EPAS1: variants seen among roughly 807,000 people sequenced by gnomAD.
EPAS1 encodes endothelial PAS domain protein 1.
In EPAS1, 23 loss-of-function variants were observed where a neutral mutation model predicts 87.9. That is an observed-to-expected ratio of 0.26 (90% CI 0.19 to 0.37). The LOEUF is 0.37. EPAS1 is among the 10% of genes least tolerant of loss of function. The pLI is 1.00. For missense variants in EPAS1, 1,138 were observed against 1,120.7 expected, an observed-to-expected ratio of 1.02 and a Z score of -0.22; for synonymous variants, 508 against 444.3, an observed-to-expected ratio of 1.14 and a Z score of -1.80.
chr2:46,386,624 T>C lies in EPAS1; in HGVS notation c.*1964T>C, dbSNP rs1685031933. On this transcript the variant is annotated 3_prime_UTR_variant, in exon 16 of 16. Transcript: ENST00000263734. ...TGTCGAATTCCTACTGACAACATTA[T>C]AACTGTATGGGAGCTTAACTTTATA... The C allele has an allele frequency of 6.5e-6, 1 of 152,690 alleles. No individual in the cohort carries two copies. Among genetic ancestry groups the C allele is most frequent in the Admixed American group, 6.5e-5 (1 of 15,292 alleles). 9.5% of individuals were successfully genotyped at this position (152,690 alleles called of 1,614,324 possible). A position where few individuals can be genotyped will look rare whatever the true frequency, so the allele number is the denominator to read the frequency against.
intron 6 of EPAS1, 82 bp downstream of exon 6, chr2:46,361,172 G>A: frequency 6.8e-7 from 1 of 1,464,700 alleles, no homozygotes; most frequent in Non-Finnish European, 9.4e-7. Flanking sequence ...TATTAAAGGT[G>A]TGGAACTGAA....
chr2:46,313,346 A>G (rs1311378394), intron 1 of EPAS1, among the ~76,000 whole-genome samples: 1 of 152,042 alleles, frequency 6.6e-6, no homozygotes, highest in Non-Finnish European at 1.5e-5. Flanking sequence ...CAGCTTAAAT[A>G]TCACCTCCCT....
intron 6 of EPAS1, among the ~76,000 whole-genome samples, chr2:46,365,013 T>A (rs1684472018): frequency 6.6e-6 from 1 of 152,208 alleles, no homozygotes; most frequent in Non-Finnish European, 1.5e-5. Flanking sequence ...CAAAAGTTGT[T>A]CCCAAGTAGT....
chr2:46,334,409 C>T (rs1385184195), intron 1 of EPAS1, among the ~76,000 whole-genome samples: 4 of 152,200 alleles, frequency 2.6e-5, no homozygotes, highest in East Asian at 1.9e-4. Context: ...GCCTGTCTCC[C>T]GACCACTGGC....
At chr2:46,382,184 G>A (rs886381909) in intron 14 of EPAS1, 95 bp downstream of exon 14, 67 of 1,215,730 alleles carry the variant, frequency 5.5e-5, no homozygotes, top group Admixed American at 9.8e-5. Flanking sequence ...ACCACAGGCC[G>A]TACCTGCCTC....
chr2:46,308,670 A>ATCT (rs1683155592), intron 1 of EPAS1, among the ~76,000 whole-genome samples: 1 of 152,226 alleles, frequency 6.6e-6, no homozygotes, highest in Admixed American at 6.5e-5. Context: ...TTATTGATAC[A>ATCT]TAACTTTATA....
chr2:46,316,557 G>A (rs528432180), intron 1 of EPAS1, among the ~76,000 whole-genome samples: 1 of 152,274 alleles, frequency 6.6e-6, no homozygotes, highest in Admixed American at 6.5e-5. Context: ...CACCGCACCT[G>A]GCCAACAATG....
In EPAS1 at chr2:46,384,982, A is replaced by G; in HGVS notation, c.*322A>G. 2.7e-6 allele frequency: 1 copy of G among 370,312 alleles called. No homozygotes were observed. Among genetic ancestry groups the G allele is most frequent in the South Asian group, 2.5e-5 (1 of 39,948 alleles). 22.9% of individuals were successfully genotyped at this position (370,312 alleles called of 1,614,324 possible). On this transcript the variant is annotated 3_prime_UTR_variant, in exon 16 of 16. Coordinates refer to ENST00000263734, the MANE Select transcript of EPAS1 (RefSeq NM_001430.5). ...TCCCTCCTTCTCCTTCTCACACACAACTGTCCATACTAACAAGTTTGGTGC... is the reference window on the plus strand; with the variant it reads ...TCCCTCCTTCTCCTTCTCACACACAGCTGTCCATACTAACAAGTTTGGTGC...
intron 1 of EPAS1, among the ~76,000 whole-genome samples, chr2:46,309,577 G>T (rs777466132): frequency 5.3e-5 from 8 of 152,214 alleles, no homozygotes; most frequent in Non-Finnish European, 8.8e-5. Context: ...GGAGGAGCAT[G>T]AAGACCTAGG....
At chr2:46,359,042 C>T (rs149926356) in intron 4 of EPAS1, among the ~76,000 whole-genome samples, 2,197 of 151,990 alleles carry the variant, frequency 0.014, 42 homozygotes, top group East Asian at 0.1. Context: ...GGGTGGATCA[C>T]GAGATCAAGA....
intron 1 of EPAS1, among the ~76,000 whole-genome samples, chr2:46,317,230 G>A (rs1430166587): frequency 6.6e-6 from 1 of 152,176 alleles, no homozygotes; most frequent in Non-Finnish European, 1.5e-5. Context: ...TACAAATGCT[G>A]TTAATGGTAT....
At position 46,376,710 on chromosome 2, in the gene EPAS1, G is replaced by C. The variant is rs749851497; in HGVS notation, c.1206G>C (p.Gln402His). 6.2e-7 allele frequency: 1 copy of C among 1,613,278 alleles called. No individual in the cohort carries two copies. The highest frequency in any genetic ancestry group is 8.5e-7 in the Non-Finnish European group (1 of 1,179,994). The change falls in exon 9 of 16, where the codon CAG becomes CAC. Residue 402 changes from glutamine (Q) to histidine (H), a missense_variant. This residue lies in a region of EPAS1 where 284 missense variants were observed against 258.4 expected (regional missense o/e 1.10). Transcript: ENST00000263734. ...AGGAGGAGCCCGAGGAGCTGGCCCA[G>C]CTGGCTCCCACCCCAGGAGACGCCA... is the stretch of plus-strand genomic sequence containing the variant. ...KLKEEPEELA[Q>H]LAPTPGDAII...
chr2:46,317,003 G>GTTCAAGT (rs1395969036), intron 1 of EPAS1, among the ~76,000 whole-genome samples: 1 of 152,174 alleles, frequency 6.6e-6, no homozygotes, highest in East Asian at 1.9e-4. Context: ...TTTCTCATCT[G>GTTCAAGT]TAAGAAGCTC....
intron 4 of EPAS1, among the ~76,000 whole-genome samples, chr2:46,359,119 C>T (rs904580446): frequency 1.3e-5 from 2 of 151,674 alleles, no homozygotes; most frequent in Admixed American, 6.6e-5. Context: ...ATTAGCTGGG[C>T]GTGGTGGCGC....
chr2:46,376,454 A>G (rs1474148356), intron 8 of EPAS1, 85 bp from the exon 9 acceptor site: 4 of 1,343,912 alleles, frequency 3.0e-6, no homozygotes, highest in Non-Finnish European at 4.3e-6. Context: ...CGGAGAGCTT[A>G]GCTATGAGGG....
chr2:46,354,473 A>T (rs1684229150), intron 2 of EPAS1, among the ~76,000 whole-genome samples: 1 of 151,930 alleles, frequency 6.6e-6, no homozygotes, highest in South Asian at 2.1e-4. Flanking sequence ...GTTTGTGTAT[A>T]ACAACCAAAG....
In EPAS1 at chr2:46,359,453, C is replaced by T. The variant is rs1345891652; in HGVS notation, c.455-1185C>T. Among the ~76,000 whole-genome samples, 7 of 151,984 alleles carry T rather than the reference C, an allele frequency of 4.6e-5. No homozygotes were observed. The East Asian group carries it at 1.4e-3, about 29-fold the overall frequency. ...ACAGGTATATCTCATTGTATGCTAA[C>T]CCCACCTCTGAAAATTAAAATGGCA... On this transcript the variant is annotated intron_variant, in intron 4 of 15. Coordinates refer to ENST00000263734, the MANE Select transcript of EPAS1 (RefSeq NM_001430.5).
chr2:46,301,298 G>A (rs925246486), intron 1 of EPAS1, among the ~76,000 whole-genome samples: 61 of 152,240 alleles, frequency 4.0e-4, no homozygotes, highest in African/African-American at 1.4e-3. Flanking sequence ...AGTCAGGGCT[G>A]GTCGCGGTGG....
At chr2:46,335,853 G>A (rs1039196206) in intron 1 of EPAS1, 1 of 152,226 alleles carries the variant, frequency 6.6e-6, no homozygotes. Context: ...CTGCACCTCG[G>A]GGATGGCATC....
Sources: allele counts gnomAD v4.1 joint callset (sites outside exome capture counted in the v4.1 genomes callset), GRCh38; gene constraint gnomAD v4.1.1; regional missense constraint gnomAD v4.1.1; transcripts MANE v1.5; gene names NCBI Gene and HGNC (gene_info 2026-07-23, HGNC 2026-07-21).